TSHZ2: variants seen among roughly 807,000 people sequenced by gnomAD.
The protein encoded by TSHZ2 is teashirt zinc finger homeobox 2, also known as teashirt homolog 2.
TSHZ2 carries 21 observed loss-of-function variants against 74.4 expected under a neutral mutation model. The observed-to-expected ratio is 0.28, with a 90% CI of 0.20 to 0.41. The LOEUF (loss-of-function observed/expected upper bound fraction) is 0.41. Among genes scored for constraint, TSHZ2 ranks in the 10% least tolerant of loss-of-function variants. The pLI is 1.00. For synonymous variants in TSHZ2, 540 were observed against 515.3 expected, an observed-to-expected ratio of 1.05 and a Z score of -0.65; for missense variants, 1,244 against 1,293.5, an observed-to-expected ratio of 0.96 and a Z score of 0.59.
intron 1 of TSHZ2, among the ~76,000 whole-genome samples, chr20:53,016,933 T>G (rs565463013): frequency 1.3e-5 from 2 of 152,260 alleles, no homozygotes; most frequent in African/African-American, 4.8e-5. Flanking sequence ...GGGGCTTGCT[T>G]GTTTTCATCA....
chr20:53,352,781 A>C (rs1375058580), intron 2 of TSHZ2, among the ~76,000 whole-genome samples: 4 of 129,758 alleles, frequency 3.1e-5, no homozygotes, highest in African/African-American at 6.3e-5. Flanking sequence ...CTCAAACAAA[A>C]AAAAAAAAAA....
chr20:53,105,347 T>A (rs1267631115), intron 1 of TSHZ2, among the ~76,000 whole-genome samples: 4 of 152,190 alleles, frequency 2.6e-5, no homozygotes, highest in Admixed American at 1.3e-4. Flanking sequence ...TGTCCTGTGA[T>A]TGTAGAATGT....
intron 2 of TSHZ2, among the ~76,000 whole-genome samples, chr20:53,376,569 T>A (rs1408471519): frequency 5.3e-5 from 8 of 152,244 alleles, no homozygotes; most frequent in Admixed American, 4.6e-4. Context: ...CTAGGATGTC[T>A]CATTTAGGGT....
chr20:53,233,798 A>C (rs1035128241), intron 1 of TSHZ2, among the ~76,000 whole-genome samples: 1 of 152,228 alleles, frequency 6.6e-6, no homozygotes, highest in African/African-American at 2.4e-5. Flanking sequence ...TACTAACAAA[A>C]AAAGAAGAGT....
In TSHZ2 at chr20:53,264,367, C is replaced by T. The variant is rs192031249; in HGVS notation, c.*8+7796C>T. Among the ~76,000 whole-genome samples, 431 of 152,342 alleles carry T rather than the reference C, an allele frequency of 2.8e-3. 2 individuals are homozygous for T. The highest frequency in any genetic ancestry group is 9.7e-3 in the African/African-American group (404 of 41,590). On this transcript the variant is annotated intron_variant, in intron 2 of 2. Coordinates refer to ENST00000371497, the MANE Select transcript of TSHZ2 (RefSeq NM_173485.6). ...GACTCCAGGCCACAGCCATCAGAAT[C>T]GGAGCACAGGGCTCCTTATGCAGCA...
intron 1 of TSHZ2, among the ~76,000 whole-genome samples, chr20:53,128,097 T>A (rs1438103182): frequency 1.3e-5 from 2 of 152,022 alleles, no homozygotes; most frequent in Non-Finnish European, 2.9e-5. Context: ...TTGAGGGTGA[T>A]TCCTAAATGA....
chr20:53,004,023 T>C (rs1269514494), intron 1 of TSHZ2, among the ~76,000 whole-genome samples: 2 of 152,142 alleles, frequency 1.3e-5, no homozygotes, highest in Non-Finnish European at 2.9e-5. Flanking sequence ...ATGCCCTGTT[T>C]TCATCACTGC....
At chr20:53,194,452 G>A (rs1213808602) in intron 1 of TSHZ2, among the ~76,000 whole-genome samples, 1 of 152,162 alleles carries the variant, frequency 6.6e-6, no homozygotes, top group Non-Finnish European at 1.5e-5. Context: ...CTTTATCTTT[G>A]TCAGTGATTC....
chr20:53,310,121 G>A (rs1305009264), intron 2 of TSHZ2, among the ~76,000 whole-genome samples: 1 of 152,218 alleles, frequency 6.6e-6, no homozygotes, highest in Non-Finnish European at 1.5e-5. Flanking sequence ...CAAGAGCCCA[G>A]GAGACAGGAG....
intron 2 of TSHZ2, among the ~76,000 whole-genome samples, chr20:53,391,479 GT>G (rs764256107): frequency 1.3e-3 from 179 of 141,140 alleles, no homozygotes; most frequent in Non-Finnish European, 1.6e-3. Context: ...TTTTGTTTTT[GT>G]TTTTTTTTTT....
At chr20:53,016,652 A>C (rs1338094541) in intron 1 of TSHZ2, among the ~76,000 whole-genome samples, 1 of 152,200 alleles carries the variant, frequency 6.6e-6, no homozygotes, top group East Asian at 1.9e-4. Flanking sequence ...AAATCAAATA[A>C]GTAAGTGCAA....
chr20:53,241,824 A>T (rs1037847627), intron 1 of TSHZ2, among the ~76,000 whole-genome samples: 3 of 152,148 alleles, frequency 2.0e-5, no homozygotes, highest in African/African-American at 7.2e-5. Flanking sequence ...TTTGCTCAAG[A>T]TGATAATGCA....
intron 2 of TSHZ2, among the ~76,000 whole-genome samples, chr20:53,404,264 T>C (rs1361504076): frequency 6.6e-6 from 1 of 152,252 alleles, no homozygotes; most frequent in Non-Finnish European, 1.5e-5. Context: ...GAGTTGACCT[T>C]ATATTCACCT....
intron 1 of TSHZ2, among the ~76,000 whole-genome samples, chr20:53,094,618 G>A (rs552151729): frequency 2.0e-5 from 3 of 152,282 alleles, no homozygotes; most frequent in Non-Finnish European, 2.9e-5. Flanking sequence ...ACATCTGCCT[G>A]GCGTACTCTT....
chr20:53,218,330 T>A (rs1989480758), intron 1 of TSHZ2, among the ~76,000 whole-genome samples: 1 of 152,220 alleles, frequency 6.6e-6, no homozygotes, highest in African/African-American at 2.4e-5. Context: ...TTGAGATGCA[T>A]TAAGCAAGAT....
intron 2 of TSHZ2, among the ~76,000 whole-genome samples, chr20:53,471,930 C>T (rs936183764): frequency 2.6e-5 from 4 of 151,682 alleles, no homozygotes; most frequent in South Asian, 2.1e-4. Flanking sequence ...CTCAGCCTCC[C>T]GAGTAGCTGA....
At position 53,489,492 on chromosome 20, in the gene TSHZ2, C is replaced by T. The variant is rs1986389942; in HGVS notation, c.*2357C>T. Reference sequence around the variant, plus strand: ...GTTATTAGGCCAAAGTTACATAATTCAGATCTCACTGCAACCATCCAAAAG... The same window carrying T: ...GTTATTAGGCCAAAGTTACATAATTTAGATCTCACTGCAACCATCCAAAAG... On this transcript the variant is annotated 3_prime_UTR_variant, in exon 3 of 3. Transcript: ENST00000371497. 7.1e-6 allele frequency: 2 copies of T among 282,256 alleles called. No individual in the cohort carries two copies. Among genetic ancestry groups the T allele is most frequent in the Admixed American group, 4.6e-5 (1 of 21,538 alleles). The allele number at this position is 282,256 out of a possible 1,614,324, so 17.5% of individuals were successfully genotyped here.
chr20:53,488,863 C>T lies in TSHZ2; in HGVS notation c.*1728C>T, dbSNP rs1298746486. ...AAAAAAAAAAAAACTTCTTATTTAC[C>T]TCCTAGGGAAAGTGTTGCCCTTATG... On this transcript the variant is annotated 3_prime_UTR_variant, in exon 3 of 3. Coordinates refer to ENST00000371497, the MANE Select transcript of TSHZ2 (RefSeq NM_173485.6). The T allele has an allele frequency of 1.4e-5, 5 of 345,090 alleles. No individual in the cohort carries two copies. The highest frequency in any genetic ancestry group is 4.5e-5 in the South Asian group (2 of 44,120). 21.4% of individuals were successfully genotyped at this position (345,090 alleles called of 1,614,324 possible). A position where few individuals can be genotyped will look rare whatever the true frequency, so the allele number is the denominator to read the frequency against.
chr20:53,268,748 C>T lies in TSHZ2; in HGVS notation c.*8+12177C>T, dbSNP rs1419655759. ...AACAATAGTCCCTTCTTCATGCGGG[C>T]ATGGTGAGGGTTTTAACCCCGCATT... is the stretch of plus-strand genomic sequence containing the variant. On this transcript the variant is annotated intron_variant, in intron 2 of 2. Transcript: ENST00000371497. Among the ~76,000 whole-genome samples, 5 of 152,204 alleles carry T rather than the reference C, an allele frequency of 3.3e-5. 1 individual carries two copies. In the East Asian group the frequency reaches 9.6e-4, roughly 29 times the overall value.
Sources: allele counts gnomAD v4.1 joint callset (sites outside exome capture counted in the v4.1 genomes callset), GRCh38; gene constraint gnomAD v4.1.1; transcripts MANE v1.5; gene names NCBI Gene and HGNC (gene_info 2026-07-23, HGNC 2026-07-21).